Variants in EDC4 observed in about 807,000 individuals in gnomAD.
EDC4 encodes enhancer of mRNA decapping 4, also known as enhancer of mRNA-decapping protein 4.
EDC4 carries 64 observed loss-of-function variants against 155.8 expected under a neutral mutation model. The ratio of observed to expected loss-of-function variants is 0.41; its 90% CI spans 0.34 to 0.51. The LOEUF is 0.51. Ranked by LOEUF, EDC4 falls within the 20% of genes least tolerant of loss-of-function variation. The pLI is 0.19. For missense variants in EDC4, 1,303 were observed against 1,812.5 expected, an observed-to-expected ratio of 0.72 and a Z score of 5.10; for synonymous variants, 684 against 716.8, an observed-to-expected ratio of 0.95 and a Z score of 0.73.
chr16:67,881,477 G>C lies in EDC4; in HGVS notation c.2790-20G>C. 1 of 1,614,170 alleles carries C rather than the reference G, an allele frequency of 6.2e-7. No individual in the cohort carries two copies. The highest frequency in any genetic ancestry group is 8.5e-7 in the Non-Finnish European group (1 of 1,180,030). ...TCTAGGCTGCCTCACATAGCCTGAGGTGCTTCTCGCCTATGGCAGGGATGC... is the reference window on the plus strand; with the variant it reads ...TCTAGGCTGCCTCACATAGCCTGAGCTGCTTCTCGCCTATGGCAGGGATGC... On this transcript the variant is annotated intron_variant, in intron 20 of 28. Transcript: ENST00000358933. This position sits in a 1 kb window ranked among gnomAD's most constrained non-coding sequence, Gnocchi z 5.4.
Position 67,873,279 on chromosome 16 carries a change from C to A in EDC4, c.18C>A (p.Ser6Arg). MASCA[S>R]IDIEDATQHL... ...CAGGGCCCATGGCCTCCTGCGCGAG[C>A]ATCGACATCGAGGACGCCACGCAGC... The change falls in exon 1 of 29, where the codon AGC becomes AGA. Residue 6 changes from serine (S) to arginine (R), a missense_variant. Coordinates refer to ENST00000358933, the MANE Select transcript of EDC4 (RefSeq NM_014329.5). The A allele has an allele frequency of 1.4e-6, 2 of 1,472,692 alleles. No homozygotes were observed. Among genetic ancestry groups the A allele is most frequent in the South Asian group, 1.3e-5 (1 of 77,340 alleles). 91.2% of individuals were successfully genotyped at this position (1,472,692 alleles called of 1,614,324 possible).
At position 67,873,083 on chromosome 16, in the gene EDC4, C is replaced by CGGTTGGTGG; in HGVS notation, c.-172_-164dup. 1 of 439,996 alleles carries CGGTTGGTGG rather than the reference C, an allele frequency of 2.3e-6. No homozygotes were observed. The allele number at this position is 439,996 out of a possible 1,614,324, so 27.3% of individuals were successfully genotyped here. On this transcript the variant is annotated 5_prime_UTR_variant, in exon 1 of 29. Transcript: ENST00000358933. ...GGCTCGTGGGTGCCGGAAGTGGAGGCGGTTGGTGGGGTTGGCGGGGCTCAG... is the reference window on the plus strand; with the variant it reads ...GGCTCGTGGGTGCCGGAAGTGGAGGCGGTTGGTGGGGTTGGTGGGGTTGGCGGGGCTCAG...
Position 67,883,377 on chromosome 16 carries a change from A to G in EDC4, c.3850-191A>G. 1.6e-6 allele frequency: 2 copies of G among 1,282,408 alleles called. No individual in the cohort carries two copies. The highest frequency in any genetic ancestry group is 2.1e-6 in the Non-Finnish European group (2 of 932,758). The allele number at this position is 1,282,408 out of a possible 1,614,324, so 79.4% of individuals were successfully genotyped here. A position where few individuals can be genotyped will look rare whatever the true frequency, so the allele number is the denominator to read the frequency against. ...TCCCACCTAGCCCACCTTGCTTTAC[A>G]ACTACCCTTCTCAGGAACCCATTTC... On this transcript the variant is annotated intron_variant, in intron 27 of 28. Coordinates refer to ENST00000358933, the MANE Select transcript of EDC4 (RefSeq NM_014329.5). The surrounding 1 kb of genome is among the most constrained non-coding windows in gnomAD (Gnocchi z 5.3).
chr16:67,874,808 G>A (rs1283945484), intron 1 of EDC4, among the ~76,000 whole-genome samples: 1 of 152,170 alleles, frequency 6.6e-6, no homozygotes, highest in East Asian at 1.9e-4. Flanking sequence ...AGGACTGGGC[G>A]CGGTGGCTCA....
In EDC4 at chr16:67,882,923, C is replaced by A; in HGVS notation, c.3630-35C>A. ...GCTTGAGAAAGGCCAGACTAGGCTC[C>A]CTGTCCACTTCACCTCACTCACTTC... On this transcript the variant is annotated intron_variant, in intron 26 of 28. Coordinates refer to ENST00000358933, the MANE Select transcript of EDC4 (RefSeq NM_014329.5). The surrounding 1 kb of genome is among the most constrained non-coding windows in gnomAD (Gnocchi z 7.2). 6.2e-7 allele frequency: 1 copy of A among 1,613,964 alleles called. No homozygotes were observed.
rs2058027709 is a variant in EDC4 at position 67,873,303 on chromosome 16, G to A, written c.42G>A (p.Gln14=). Residue 14 remains glutamine, a synonymous_variant, in exon 1 of 29, where the codon CAG becomes CAA. Coordinates refer to ENST00000358933, the MANE Select transcript of EDC4 (RefSeq NM_014329.5). ...CASIDIEDAT[Q]HLRDILKLDR... is the part of the protein sequence containing the mutation. ...GCATCGACATCGAGGACGCCACGCA[G>A]CACCTGCGGGACATCCTCAAGCTGG... 6.8e-7 allele frequency: 1 copy of A among 1,477,378 alleles called. No homozygotes were observed. The highest frequency in any genetic ancestry group is 8.9e-7 in the Non-Finnish European group (1 of 1,117,352). 91.5% of individuals were successfully genotyped at this position (1,477,378 alleles called of 1,614,324 possible).
chr16:67,880,249 GAGCAGGTGGGC>G lies in EDC4; in HGVS notation c.2097+39_2097+49del. ...ACTGGGTGTGTGTGTGAAGTGTGGG[GAGCAGGTGGGC>G]AGCAGCAGGGAAGGTGGGTGGTGGG... is the stretch of plus-strand genomic sequence containing the variant. On this transcript the variant is annotated intron_variant, in intron 17 of 28. Coordinates refer to ENST00000358933, the MANE Select transcript of EDC4 (RefSeq NM_014329.5). The surrounding 1 kb of genome is among the most constrained non-coding windows in gnomAD (Gnocchi z 5.2). 6.4e-7 allele frequency: 1 copy of G among 1,562,492 alleles called. No individual in the cohort carries two copies. The highest frequency in any genetic ancestry group is 8.7e-7 in the Non-Finnish European group (1 of 1,156,004).
chr16:67,884,133 C>T lies in EDC4; in HGVS notation c.4191C>T (p.Thr1397=). The T allele has an allele frequency of 1.2e-6, 2 of 1,609,728 alleles. No individual in the cohort carries two copies. Among genetic ancestry groups the T allele is most frequent in the South Asian group, 1.1e-5 (1 of 90,684 alleles). The change falls in exon 29 of 29, where the codon ACC becomes ACT. Residue 1397 remains threonine, a synonymous_variant. Transcript: ENST00000358933. This position sits in a 1 kb window ranked among gnomAD's most constrained non-coding sequence, Gnocchi z 4.1. The stretch of plus-strand genomic sequence containing the variant: ...GCCTCATGCTGCATGGCCTCGTGAC[C>T]CCCAGCCTCCCTTAGCTGCTAAGCC... The part of the protein sequence containing the change: ...RLSLMLHGLV[T]PSLP
In EDC4 at chr16:67,880,566, G is replaced by A. The variant is rs1406431717; in HGVS notation, c.2107G>A (p.Ala703Thr). The stretch of plus-strand genomic sequence containing the variant: ...CTTTGGCCCACCTCAGGTGCCTACT[G>A]CCACCTCTGCACTGTCCCTGGAGCT... ...TPKGPGQVPT[A>T]TSALSLELQE... Residue 703 changes from alanine (A) to threonine (T), a missense_variant, in exon 18 of 29, where the codon GCC becomes ACC. Coordinates refer to ENST00000358933, the MANE Select transcript of EDC4 (RefSeq NM_014329.5). This position sits in a 1 kb window ranked among gnomAD's most constrained non-coding sequence, Gnocchi z 5.2. 1 of 1,612,888 alleles carries A rather than the reference G, an allele frequency of 6.2e-7. No homozygotes were observed. Among genetic ancestry groups the A allele is most frequent in the East Asian group, 2.2e-5 (1 of 44,826 alleles).
Position 67,878,304 on chromosome 16 carries a change from C to T in EDC4, c.1004+29C>T. On this transcript the variant is annotated intron_variant, in intron 8 of 28. Coordinates refer to ENST00000358933, the MANE Select transcript of EDC4 (RefSeq NM_014329.5). The surrounding 1 kb of genome is among the most constrained non-coding windows in gnomAD (Gnocchi z 5.2). The stretch of plus-strand genomic sequence containing the variant: ...AGGCAGGGCCTCAGGGACCAGGATC[C>T]TCCCGAGGTAGCCCACCCGACCACT... 6.2e-7 allele frequency: 1 copy of T among 1,614,220 alleles called. No homozygotes were observed. Among genetic ancestry groups the T allele is most frequent in the Non-Finnish European group, 8.5e-7 (1 of 1,180,048 alleles).
At position 67,881,918 on chromosome 16, in the gene EDC4, G is replaced by A. The variant is rs755709715; in HGVS notation, c.3005-36G>A. ...ATTCTTGGCCTGGGAAGGAGTACACGACCTGCTCCAGGCCCGTTCCTTAGC... is the reference window on the plus strand; with the variant it reads ...ATTCTTGGCCTGGGAAGGAGTACACAACCTGCTCCAGGCCCGTTCCTTAGC... On this transcript the variant is annotated intron_variant, in intron 22 of 28. Coordinates refer to ENST00000358933, the MANE Select transcript of EDC4 (RefSeq NM_014329.5). This position sits in a 1 kb window ranked among gnomAD's most constrained non-coding sequence, Gnocchi z 5.4. 22 of 1,602,900 alleles carry A rather than the reference G, an allele frequency of 1.4e-5. No individual in the cohort carries two copies. Among genetic ancestry groups the A allele is most frequent in the South Asian group, 1.1e-4 (10 of 90,460 alleles).
Position 67,883,090 on chromosome 16 carries a change from C to T in EDC4, c.3762C>T (p.Val1254=), listed in dbSNP as rs748554327. The T allele has an allele frequency of 2.5e-6, 4 of 1,612,374 alleles. No individual in the cohort carries two copies. The highest frequency in any genetic ancestry group is 3.4e-6 in the Non-Finnish European group (4 of 1,179,686). Residue 1254 remains valine, a synonymous_variant, in exon 27 of 29, where the codon GTC becomes GTT. Transcript: ENST00000358933. The surrounding 1 kb of genome is among the most constrained non-coding windows in gnomAD (Gnocchi z 5.3). The part of the protein sequence containing the change: ...QAMRSAAGTP[V]PSAHLDCQAQ... ...TGCGCTCAGCTGCTGGCACACCTGT[C>T]CCCTCTGCCCACCTTGACTGCCAGG...
rs542972949 is a variant in EDC4 at position 67,883,844 on chromosome 16, C to T, written c.4014-112C>T. On this transcript the variant is annotated intron_variant, in intron 28 of 28. Coordinates refer to ENST00000358933, the MANE Select transcript of EDC4 (RefSeq NM_014329.5). This position sits in a 1 kb window ranked among gnomAD's most constrained non-coding sequence, Gnocchi z 5.3. Reference sequence around the variant, plus strand: ...TGAATCCTCTCCCTAATTTTCTCCACCAGTCCTTTCTGCCTTCACCCAGAG... The same window carrying T: ...TGAATCCTCTCCCTAATTTTCTCCATCAGTCCTTTCTGCCTTCACCCAGAG... 1.5e-4 allele frequency: 236 copies of T among 1,538,622 alleles called. 5 individuals are homozygous for T. The South Asian group carries it at 2.7e-3, about 18-fold the overall frequency.
rs868529729 is a variant in EDC4, at chr16:67,881,833, C to T, written c.2992C>T (p.His998Tyr). Residue 998 changes from histidine (H) to tyrosine (Y), a missense_variant, in exon 22 of 29, where the codon CAC (histidine) becomes TAC (tyrosine). Physicochemically the swap from His to Tyr is moderately conservative, Grantham distance 83. Around this residue, in one of 5 missense-constraint regions of EDC4, gnomAD observed 527 missense variants for 757.0 expected, o/e 0.70. Transcript: ENST00000358933. The surrounding 1 kb of genome is among the most constrained non-coding windows in gnomAD (Gnocchi z 5.4). Reference protein sequence around the residue: ...GHVERALETRHEQEQRRLERA... With the variant: ...GHVERALETRYEQEQRRLERA... ...CGTAGAACGTGCCCTTGAGACTCGG[C>T]ACGAGCAGGAACGTATCCTTGAGAC... 3.1e-6 allele frequency: 5 copies of T among 1,613,502 alleles called. No individual in the cohort carries two copies. The highest frequency in any genetic ancestry group is 4.2e-6 in the Non-Finnish European group (5 of 1,179,494).
Position 67,881,609 on chromosome 16 carries a change from G to A in EDC4, c.2827-59G>A. 6.2e-7 allele frequency: 1 copy of A among 1,611,716 alleles called. No homozygotes were observed. Among genetic ancestry groups the A allele is most frequent in the African/African-American group, 1.3e-5 (1 of 75,004 alleles). ...GGAGAAGGGCTCTGGGCCATTCCCT[G>A]GTCTGGTGTGTGGGAATAGGTGGGG... On this transcript the variant is annotated intron_variant, in intron 21 of 28. Coordinates refer to ENST00000358933, the MANE Select transcript of EDC4 (RefSeq NM_014329.5). This position sits in a 1 kb window ranked among gnomAD's most constrained non-coding sequence, Gnocchi z 5.4.
rs571578929 is a variant in EDC4, at chr16:67,873,454, G to A, written c.82+111G>A. ...CTTAGGACTAGCTCTGGATCCTCCCGGCGGGTAAGGGTGGACGGGGATTGA... is the reference window on the plus strand; with the variant it reads ...CTTAGGACTAGCTCTGGATCCTCCCAGCGGGTAAGGGTGGACGGGGATTGA... On this transcript the variant is annotated intron_variant, in intron 1 of 28. Coordinates refer to ENST00000358933, the MANE Select transcript of EDC4 (RefSeq NM_014329.5). 4 of 878,264 alleles carry A rather than the reference G, an allele frequency of 4.6e-6. No individual in the cohort carries two copies. The Admixed American group carries it at 1.3e-4, about 28-fold the overall frequency. The allele number at this position is 878,264 out of a possible 1,614,324, so 54.4% of individuals were successfully genotyped here.
chr16:67,873,383 CA>C (rs1216406375), intron 1 of EDC4, 40 bp downstream of exon 1: 5 of 1,397,524 alleles, frequency 3.6e-6, no homozygotes, highest in Admixed American at 3.3e-5. Flanking sequence ...GGCGAGCTGA[CA>C]AAAGGGCGGC....
In EDC4 at chr16:67,881,778, C is replaced by T. The variant is rs753997647; in HGVS notation, c.2937C>T (p.Leu979=). 19 of 1,614,024 alleles carry T rather than the reference C, an allele frequency of 1.2e-5. No individual in the cohort carries two copies. Among genetic ancestry groups the T allele is most frequent in the Middle Eastern group, 3.3e-4 (2 of 6,084 alleles). ...EELLQRLCTQ[L]EGLQSTVTGH... ...TGCTGCAGCGTCTGTGTACCCAACT[C>T]GAAGGCCTGCAGAGCACAGTCACAG... The change falls in exon 22 of 29, where the codon CTC becomes CTT. Residue 979 remains leucine (L), a synonymous_variant. Transcript: ENST00000358933. The surrounding 1 kb of genome is among the most constrained non-coding windows in gnomAD (Gnocchi z 5.4).
chr16:67,881,165 CCAGTGCTGAGCAAAGGTGGGAGCCA>C lies in EDC4; in HGVS notation c.2623_2636+11del. 6.2e-7 allele frequency: 1 copy of C among 1,614,116 alleles called. No homozygotes were observed. The highest frequency in any genetic ancestry group is 2.2e-5 in the East Asian group (1 of 44,884). ...CTGCAGCAACGTGACAGCCAGGATG[CCAGTGCTGAGCAAAGGTGGGAGCCA>C]CTCTACACCATTGCCCTCATGGGGG... On this transcript the variant is annotated splice_donor_variant and splice_donor_5th_base_variant and coding_sequence_variant and intron_variant, in exon 19 of 29. Coordinates refer to ENST00000358933, the MANE Select transcript of EDC4 (RefSeq NM_014329.5). LOFTEE classifies it high-confidence loss of function. The surrounding 1 kb of genome is among the most constrained non-coding windows in gnomAD (Gnocchi z 5.4).
Sources: allele counts gnomAD v4.1 joint callset (sites outside exome capture counted in the v4.1 genomes callset), GRCh38; gene constraint gnomAD v4.1.1; regional missense constraint gnomAD v4.1.1; non-coding constraint Gnocchi (gnomAD v3.1); transcripts MANE v1.5; gene names NCBI Gene and HGNC (gene_info 2026-07-23, HGNC 2026-07-21).